Variants in PTPRB observed in about 807,000 individuals in gnomAD.
The protein encoded by PTPRB is receptor-type tyrosine-protein phosphatase beta.
Under a neutral mutation model 238.1 loss-of-function variants are expected in PTPRB, and 97 were observed. That is an observed-to-expected ratio of 0.41 (90% CI 0.35 to 0.48). The LOEUF (loss-of-function observed/expected upper bound fraction) is 0.48, where lower values mean the gene tolerates loss of function less well. Ranked by LOEUF, PTPRB falls within the 20% of genes least tolerant of loss-of-function variation. The pLI is 0.30. For missense variants in PTPRB, 2,292 were observed against 2,681.9 expected (o/e 0.85, Z 3.21); for synonymous variants, 970 against 995.4 (o/e 0.97, Z 0.48).
chr12:70,616,642 C>T (rs376524678), intron 3 of PTPRB, among the ~76,000 whole-genome samples: 2 of 152,184 alleles, frequency 1.3e-5, no homozygotes, highest in African/African-American at 4.8e-5. Context: ...ATGGTAAGCA[C>T]CACAAGCTTC....
chr12:70,559,589 T>G lies in PTPRB; in HGVS notation c.4468A>C (p.Ile1490Leu), dbSNP rs113791087. Residue 1490 changes from isoleucine to leucine, a missense_variant, in exon 18 of 34, where the codon ATT becomes CTT. Physicochemically the swap from Ile to Leu is conservative, Grantham distance 5. Around this residue, in one of 4 missense-constraint regions of PTPRB, gnomAD observed 683 missense variants for 862.0 expected, o/e 0.79. Coordinates refer to ENST00000334414, the MANE Select transcript of PTPRB (RefSeq NM_001109754.4). The part of the protein sequence containing the change: ...SPPSLMSFAD[I>L]ANTSLAITWK... ...GTGATGGCCAAGGATGTGTTTGCAA[T>G]GTCAGCAAATGACATAAGACTGGGA... 5,826 of 1,612,824 alleles carry G rather than the reference T, an allele frequency of 3.6e-3. 9 individuals carry two copies. The highest frequency in any genetic ancestry group is 4.2e-3 in the Non-Finnish European group (4,943 of 1,178,820).
chr12:70,558,341 A>G (rs1355632756), intron 18 of PTPRB, among the ~76,000 whole-genome samples: 1 of 152,238 alleles, frequency 6.6e-6, no homozygotes, highest in Non-Finnish European at 1.5e-5. Context: ...ACAATGTGGC[A>G]TAAAAGTTAT....
At chr12:70,529,202 G>A (rs1284398136) in intron 32 of PTPRB, among the ~76,000 whole-genome samples, 1 of 152,170 alleles carries the variant, frequency 6.6e-6, no homozygotes, top group Non-Finnish European at 1.5e-5. Context: ...ACAGGGAAAA[G>A]ATGGAGTTAT....
intron 2 of PTPRB, among the ~76,000 whole-genome samples, chr12:70,625,551 G>GTT (rs373089273): frequency 2.4e-4 from 35 of 147,200 alleles, no homozygotes; most frequent in Admixed American, 8.2e-4. Context: ...AGATGATTAA[G>GTT]TTTTTTTTTT....
At chr12:70,551,498 T>G (rs12228964) in intron 21 of PTPRB, among the ~76,000 whole-genome samples, 1 of 152,058 alleles carries the variant, frequency 6.6e-6, no homozygotes, top group Admixed American at 6.5e-5. Flanking sequence ...GGCTAAGAAC[T>G]CTCTTGGGTG....
At chr12:70,602,382 T>C (rs1339569131) in intron 4 of PTPRB, among the ~76,000 whole-genome samples, 2 of 152,210 alleles carry the variant, frequency 1.3e-5, no homozygotes, top group African/African-American at 4.8e-5. Flanking sequence ...TAACTGAGGC[T>C]TTTTCAATAT....
In PTPRB at chr12:70,562,967, G is replaced by C; in HGVS notation, c.4045C>G (p.Gln1349Glu). The C allele has an allele frequency of 6.2e-7, 1 of 1,613,990 alleles. No homozygotes were observed. The highest frequency in any genetic ancestry group is 8.5e-7 in the Non-Finnish European group (1 of 1,179,896). ...NPDGNLQERA[Q>E]VDPLVQSFSF... ...AAGCTCTGGACTAGTGGGTCAACTT[G>C]AGCTCTCTCCTGGAGATTCCCATCT... is the stretch of plus-strand genomic sequence containing the variant. Residue 1349 changes from glutamine to glutamate, a missense_variant, in exon 16 of 34, where the codon CAA becomes GAA. This residue lies in a region of PTPRB where 683 missense variants were observed against 862.0 expected (regional missense o/e 0.79). Coordinates refer to ENST00000334414, the MANE Select transcript of PTPRB (RefSeq NM_001109754.4).
chr12:70,623,601 TC>T (rs1885043840), intron 2 of PTPRB, among the ~76,000 whole-genome samples: 1 of 152,146 alleles, frequency 6.6e-6, no homozygotes, highest in Non-Finnish European at 1.5e-5. Context: ...GTTTAGATCT[TC>T]CCATCAACTC....
chr12:70,614,941 T>C (rs1215562448), intron 3 of PTPRB, among the ~76,000 whole-genome samples: 4 of 152,164 alleles, frequency 2.6e-5, no homozygotes, highest in Non-Finnish European at 5.9e-5. Context: ...TCTGAGATAC[T>C]TACTTTTCAA....
intron 4 of PTPRB, among the ~76,000 whole-genome samples, chr12:70,605,829 C>T (rs1883900332): frequency 6.6e-6 from 1 of 152,172 alleles, no homozygotes; most frequent in Non-Finnish European, 1.5e-5. Flanking sequence ...CTAGCTATCT[C>T]TAGAGGCTAC....
chr12:70,599,295 A>G (rs1883282872), intron 4 of PTPRB, among the ~76,000 whole-genome samples: 1 of 152,164 alleles, frequency 6.6e-6, no homozygotes, highest in Non-Finnish European at 1.5e-5. Context: ...TCATGTACCT[A>G]TAGTCTTCTG....
chr12:70,622,684 A>G, intron 2 of PTPRB, 38 bp from the exon 3 acceptor site: 1 of 1,505,656 alleles, frequency 6.6e-7, no homozygotes, highest in South Asian at 1.3e-5. Flanking sequence ...GATTATTCTC[A>G]TGTTTTATGA....
chr12:70,544,441 GA>G (rs759363248), intron 22 of PTPRB, 115 bp downstream of exon 22: 12 of 743,028 alleles, frequency 1.6e-5, no homozygotes, highest in Non-Finnish European at 2.7e-5. Flanking sequence ...GTCACATAAA[GA>G]TTAAGTTCCA....
At chr12:70,527,565 T>C (rs1380421116) in intron 32 of PTPRB, 14 of 152,174 alleles carry the variant, frequency 9.2e-5, no homozygotes, top group Admixed American at 5.2e-4. Context: ...CTTTAACAGG[T>C]TATTGCTCCC....
chr12:70,589,947 T>A lies in PTPRB; in HGVS notation c.2050+17A>T, dbSNP rs1395849049. On this transcript the variant is annotated intron_variant, in intron 8 of 33. Transcript: ENST00000334414. Reference sequence around the variant, plus strand: ...AATTACTCTTCCATTGGTATTAACATCTTCATATTTGCCTACCTGTCCTGC... The same window carrying A: ...AATTACTCTTCCATTGGTATTAACAACTTCATATTTGCCTACCTGTCCTGC... 1 of 1,609,398 alleles carries A rather than the reference T, an allele frequency of 6.2e-7. No homozygotes were observed. Among genetic ancestry groups the A allele is most frequent in the Non-Finnish European group, 8.5e-7 (1 of 1,178,192 alleles).
chr12:70,586,152 G>A (rs1470543641), intron 9 of PTPRB, among the ~76,000 whole-genome samples: 2 of 151,974 alleles, frequency 1.3e-5, no homozygotes, highest in African/African-American at 2.4e-5. Flanking sequence ...TAATCTTTTG[G>A]GTATATACCT....
Position 70,517,857 on chromosome 12 carries a change from T to C in PTPRB, c.*3632A>G, listed in dbSNP as rs1592370611. 6.6e-6 allele frequency: 1 copy of C among 152,254 alleles called. No individual in the cohort carries two copies. The highest frequency in any genetic ancestry group is 2.4e-5 in the African/African-American group (1 of 41,550). The allele number at this position is 152,254 out of a possible 1,614,324, so 9.4% of individuals were successfully genotyped here. On this transcript the variant is annotated 3_prime_UTR_variant, in exon 34 of 34. Coordinates refer to ENST00000334414, the MANE Select transcript of PTPRB (RefSeq NM_001109754.4). ...CTCAAAGAATTCTTAGAAAGCTAAGTGAATGAGAATTTAGTATATGGCCAA... is the reference window on the plus strand; with the variant it reads ...CTCAAAGAATTCTTAGAAAGCTAAGCGAATGAGAATTTAGTATATGGCCAA...
chr12:70,555,209 G>A lies in PTPRB; in HGVS notation c.5094C>T (p.Asp1698=). 1 of 1,613,914 alleles carries A rather than the reference G, an allele frequency of 6.2e-7. No homozygotes were observed. The highest frequency in any genetic ancestry group is 1.7e-5 in the Admixed American group (1 of 60,006). ...NFTVNCSWFS[D]TNGAVKYFTV... ...TGAAGTATTTCACAGCTCCATTGGT[G>A]TCGCTGAACCAGCTGCAGTTGACAG... The change falls in exon 20 of 34, where the codon GAC becomes GAT. Residue 1698 remains aspartate (D), a synonymous_variant. Transcript: ENST00000334414.
At chr12:70,634,834 TG>T (rs1222832950) in intron 2 of PTPRB, among the ~76,000 whole-genome samples, 2 of 152,242 alleles carry the variant, frequency 1.3e-5, no homozygotes, top group African/African-American at 4.8e-5. Flanking sequence ...TCCCATGCTT[TG>T]TAAGGTTCAT....
Sources: allele counts gnomAD v4.1 joint callset (sites outside exome capture counted in the v4.1 genomes callset), GRCh38; gene constraint gnomAD v4.1.1; regional missense constraint gnomAD v4.1.1; transcripts MANE v1.5; gene names NCBI Gene and HGNC (gene_info 2026-07-23, HGNC 2026-07-21).